Variants in CRISPLD2 observed in about 807,000 individuals in gnomAD.
CRISPLD2 encodes cysteine rich secretory protein LCCL domain containing 2, also known as cysteine-rich secretory protein LCCL domain-containing 2.
Under a neutral mutation model 71.1 loss-of-function variants are expected in CRISPLD2, and 47 were observed. The ratio of observed to expected loss-of-function variants is 0.66; its 90% confidence interval spans 0.52 to 0.84. CRISPLD2 has a LOEUF of 0.84. Ranked by LOEUF, CRISPLD2 falls within the 40% of genes least tolerant of loss-of-function variation. CRISPLD2 has a pLI of 0.00. For missense variants in CRISPLD2, 830 were observed against 651.1 expected, an observed-to-expected ratio of 1.27 and a Z score of -2.99; for synonymous variants, 317 against 250.1, an observed-to-expected ratio of 1.27 and a Z score of -2.52.
intron 1 of CRISPLD2, among the ~76,000 whole-genome samples, chr16:84,827,387 A>T (rs535386534): frequency 1.3e-5 from 2 of 152,126 alleles, no homozygotes; most frequent in African/African-American, 4.8e-5. Context: ...CAAAACCAAG[A>T]GTCCTCACCG....
At chr16:84,875,669 G>C (rs111993981) in intron 11 of CRISPLD2, among the ~76,000 whole-genome samples, 1,675 of 151,020 alleles carry the variant, frequency 0.011, 36 homozygotes, top group African/African-American at 0.038. Context: ...TGATTCTCCT[G>C]CCTTAGCCTC....
chr16:84,869,203 T>A (rs192463098), intron 8 of CRISPLD2, among the ~76,000 whole-genome samples: 4 of 152,268 alleles, frequency 2.6e-5, no homozygotes, highest in Admixed American at 2.0e-4. Flanking sequence ...AATAAATCCA[T>A]CTAGTTGTTG....
chr16:84,896,334 C>T (rs1370910261), intron 14 of CRISPLD2, among the ~76,000 whole-genome samples: 2 of 151,962 alleles, frequency 1.3e-5, no homozygotes, highest in Admixed American at 1.3e-4. Flanking sequence ...CAGGTGTGAG[C>T]CACCGTGCCC....
rs2071681433 is a variant in CRISPLD2, at chr16:84,893,601, TGACAA to T, written c.1439+4239_1439+4243del. Among the ~76,000 whole-genome samples the T allele has an allele frequency of 2.6e-5, 4 of 152,170 alleles. No individual in the cohort carries two copies. In the South Asian group the frequency reaches 8.3e-4, roughly 32 times the overall value. ...CTAGTGAGAGGACACAGTGCAGAAA[TGACAA>T]TGCCAGCAGCAGGGCCCAGGGGGTC... is the stretch of plus-strand genomic sequence containing the variant. On this transcript the variant is annotated intron_variant, in intron 14 of 14. Coordinates refer to ENST00000262424, the MANE Select transcript of CRISPLD2 (RefSeq NM_031476.4).
In CRISPLD2 at chr16:84,905,735, G is replaced by A. The variant is rs1296934466; in HGVS notation, c.1440-853G>A. ...TTTTTTTTTTTTTTTTGGAGACAAAGTCTTACTCTTGTCCCCCAGGCTGGA... is the reference window on the plus strand; with the variant it reads ...TTTTTTTTTTTTTTTTGGAGACAAAATCTTACTCTTGTCCCCCAGGCTGGA... On this transcript the variant is annotated intron_variant, in intron 14 of 14. Coordinates refer to ENST00000262424, the MANE Select transcript of CRISPLD2 (RefSeq NM_031476.4). 1.2e-4 allele frequency among the ~76,000 whole-genome samples: 15 copies of A among 126,976 alleles called. No individual in the cohort carries two copies. The East Asian group carries it at 2.8e-3, about 24-fold the overall frequency. The allele number at this position is 126,976 out of a possible 152,430, so 83.3% of individuals were successfully genotyped here.
At chr16:84,902,326 C>G (rs1053888052) in intron 14 of CRISPLD2, among the ~76,000 whole-genome samples, 1 of 151,768 alleles carries the variant, frequency 6.6e-6, no homozygotes, top group African/African-American at 2.4e-5. Flanking sequence ...AAACGATGAA[C>G]AGGCCGGGCG....
Position 84,908,748 on chromosome 16 carries a change from G to A in CRISPLD2, c.*2106G>A, listed in dbSNP as rs1279000258. ...CTGTTGCCCAAGGTAGAGTGCAGTG[G>A]CGTGATCTCTGCTCATTGCAACTGC... On this transcript the variant is annotated 3_prime_UTR_variant, in exon 15 of 15. Coordinates refer to ENST00000262424, the MANE Select transcript of CRISPLD2 (RefSeq NM_031476.4). 2.1e-5 allele frequency: 3 copies of A among 143,798 alleles called. No individual in the cohort carries two copies. Among genetic ancestry groups the A allele is most frequent in the African/African-American group, 7.8e-5 (3 of 38,288 alleles). The allele number at this position is 143,798 out of a possible 1,614,324, so 8.9% of individuals were successfully genotyped here.
intron 6 of CRISPLD2, among the ~76,000 whole-genome samples, chr16:84,860,138 G>A (rs1341166195): frequency 1.3e-5 from 2 of 152,038 alleles, no homozygotes; most frequent in East Asian, 3.9e-4. Flanking sequence ...ACTCACAGTG[G>A]GCCACCTTTT....
intron 6 of CRISPLD2, among the ~76,000 whole-genome samples, chr16:84,865,156 A>ATTT (rs576554191): frequency 7.1e-6 from 1 of 140,248 alleles, no homozygotes; most frequent in Non-Finnish European, 1.6e-5. Context: ...TGAAACTTGG[A>ATTT]TTTTTTTTTT....
chr16:84,867,534 G>C (rs955652502), intron 7 of CRISPLD2, among the ~76,000 whole-genome samples: 1 of 152,226 alleles, frequency 6.6e-6, no homozygotes, highest in Non-Finnish European at 1.5e-5. Flanking sequence ...TGCCAGCTGA[G>C]GTCTCCCTGT....
At chr16:84,843,614 G>C (rs576950633) in intron 2 of CRISPLD2, among the ~76,000 whole-genome samples, 11 of 152,336 alleles carry the variant, frequency 7.2e-5, no homozygotes, top group African/African-American at 2.4e-4. Flanking sequence ...AGGGTTGTTT[G>C]GAGGAGGCAA....
chr16:84,840,817 C>T (rs927266824), intron 2 of CRISPLD2, among the ~76,000 whole-genome samples: 3 of 152,202 alleles, frequency 2.0e-5, no homozygotes, highest in Non-Finnish European at 4.4e-5. Context: ...GCTGGGATTA[C>T]AGGCATGAAC....
chr16:84,876,965 T>C (rs938983256), intron 11 of CRISPLD2, among the ~76,000 whole-genome samples: 5 of 152,166 alleles, frequency 3.3e-5, no homozygotes, highest in Non-Finnish European at 5.9e-5. Flanking sequence ...TGAATGTGCC[T>C]TGATTAGCGG....
At chr16:84,868,728 C>G in intron 7 of CRISPLD2, 123 bp from the exon 8 acceptor site, 1 of 814,982 alleles carries the variant, frequency 1.2e-6, no homozygotes, top group Non-Finnish European at 2.0e-6. Context: ...AGGCATTGCC[C>G]TTGCTCTTAG....
intron 5 of CRISPLD2, among the ~76,000 whole-genome samples, chr16:84,853,468 A>C (rs536863790): frequency 6.6e-6 from 1 of 152,288 alleles, no homozygotes; most frequent in African/African-American, 2.4e-5. Flanking sequence ...ACGTCATAAC[A>C]GTGCCCAGTC....
Position 84,897,564 on chromosome 16 carries a change from C to G in CRISPLD2, c.1439+8201C>G, listed in dbSNP as rs916443819. Reference sequence around the variant, plus strand: ...CTCTGTAAACATTCCAGTGTATTTTCTTTCAGGTTTCTTCTGTGTTTACAT... The same window carrying G: ...CTCTGTAAACATTCCAGTGTATTTTGTTTCAGGTTTCTTCTGTGTTTACAT... On this transcript the variant is annotated intron_variant, in intron 14 of 14. Coordinates refer to ENST00000262424, the MANE Select transcript of CRISPLD2 (RefSeq NM_031476.4). Among the ~76,000 whole-genome samples, 55 of 152,196 alleles carry G rather than the reference C, an allele frequency of 3.6e-4. 1 individual carries two copies. Among genetic ancestry groups the G allele is most frequent in the African/African-American group, 1.3e-3 (52 of 41,454 alleles).
chr16:84,884,073 G>T (rs943248485), intron 13 of CRISPLD2, among the ~76,000 whole-genome samples: 6 of 152,122 alleles, frequency 3.9e-5, no homozygotes, highest in African/African-American at 1.4e-4. Flanking sequence ...TCGAACTCCT[G>T]ACCTCAAGTG....
chr16:84,902,960 G>T (rs2071768884), intron 14 of CRISPLD2, among the ~76,000 whole-genome samples: 1 of 151,564 alleles, frequency 6.6e-6, no homozygotes, highest in African/African-American at 2.4e-5. Context: ...TTTAGTAGGG[G>T]TTTCACTGTG....
rs1361632221 is a variant in CRISPLD2 at position 84,849,401 on chromosome 16, T to C, written c.376T>C (p.Phe126Leu). ...GCCCTGCAGGTATCGCTCTCCGGGG[T>C]TCCATGTGCAGTCCTGGTATGACGA... ...AHWGRYRSPGFHVQSWYDEVK... is the reference protein window; with the variant it reads ...AHWGRYRSPGLHVQSWYDEVK... The change falls in exon 4 of 15, where the codon TTC (phenylalanine) becomes CTC (leucine). Residue 126 changes from phenylalanine (F) to leucine (L), a missense_variant. Physicochemically the swap from Phe to Leu is conservative, Grantham distance 22 (BLOSUM62 0). Transcript: ENST00000262424. 6.2e-7 allele frequency: 1 copy of C among 1,613,520 alleles called. No individual in the cohort carries two copies. The highest frequency in any genetic ancestry group is 8.5e-7 in the Non-Finnish European group (1 of 1,179,688).
Sources: allele counts gnomAD v4.1 joint callset (sites outside exome capture counted in the v4.1 genomes callset), GRCh38; gene constraint gnomAD v4.1.1; transcripts MANE v1.5; gene names NCBI Gene and HGNC (gene_info 2026-07-23, HGNC 2026-07-21).